Variants in RABGAP1L observed in about 807,000 individuals in gnomAD.
RABGAP1L encodes RAB GTPase activating protein 1 like.
In RABGAP1L, 63 loss-of-function variants were observed where a neutral mutation model predicts 137.7. The ratio of observed to expected loss-of-function variants is 0.46; its 90% CI spans 0.37 to 0.56. RABGAP1L has a LOEUF of 0.56. RABGAP1L is among the 20% of genes least tolerant of loss of function. The probability of loss-of-function intolerance (pLI) is 0.00; values close to 1 mark genes in which losing one functional copy is unlikely to be tolerated. For missense variants in RABGAP1L, 1,095 were observed against 1,244.0 expected (o/e 0.88, Z 1.80); for synonymous variants, 431 against 433.7 (o/e 0.99, Z 0.08).
chr1:174,970,203 G>A (rs1186049571), intron 21 of RABGAP1L, among the ~76,000 whole-genome samples: 1 of 152,164 alleles, frequency 6.6e-6, no homozygotes, highest in African/African-American at 2.4e-5. Flanking sequence ...GACTAGGAGA[G>A]TCAGAACCAA....
chr1:174,646,222 C>T (rs928769154), intron 14 of RABGAP1L, among the ~76,000 whole-genome samples: 3 of 152,064 alleles, frequency 2.0e-5, no homozygotes, highest in Non-Finnish European at 4.4e-5. Context: ...TTAATTAGAT[C>T]CCATTCATCA....
At chr1:174,486,285 A>G (rs1377554600) in intron 13 of RABGAP1L, among the ~76,000 whole-genome samples, 1 of 144,592 alleles carries the variant, frequency 6.9e-6, no homozygotes, top group Non-Finnish European at 1.5e-5. Flanking sequence ...TAAAAAAACA[A>G]TTTTTTGTTT....
At chr1:174,369,839 C>CCTTAATTATAAGTATTTA (rs1684956729) in intron 11 of RABGAP1L, among the ~76,000 whole-genome samples, 2 of 151,950 alleles carry the variant, frequency 1.3e-5, no homozygotes, top group South Asian at 4.1e-4. Context: ...ATTAAATGTC[C>CCTTAATTATAAGTATTTA]CTTATAATTC....
At chr1:174,360,879 A>G (rs1684076959) in intron 11 of RABGAP1L, among the ~76,000 whole-genome samples, 1 of 152,256 alleles carries the variant, frequency 6.6e-6, no homozygotes, top group Non-Finnish European at 1.5e-5. Flanking sequence ...TGTTTTGGCC[A>G]GATGTGGTGG....
rs374761996 is a variant in RABGAP1L at position 174,376,917 on chromosome 1, A to T, written c.1559+5845A>T. Among the ~76,000 whole-genome samples, 57 of 152,306 alleles carry T rather than the reference A, an allele frequency of 3.7e-4. No individual in the cohort carries two copies. In the Middle Eastern group the frequency reaches 0.01, roughly 27 times the overall value. On this transcript the variant is annotated intron_variant, in intron 12 of 25. Transcript: ENST00000681986. ...GAAAGAAAAATATAACACTGTCTCT[A>T]TTTGCAGAGATGTGATTGTCTGTGT... is the stretch of plus-strand genomic sequence containing the variant.
At position 174,275,871 on chromosome 1, in the gene RABGAP1L, C is replaced by T; in HGVS notation, c.1092C>T (p.Val364=). 1 of 1,612,880 alleles carries T rather than the reference C, an allele frequency of 6.2e-7. No individual in the cohort carries two copies. The highest frequency in any genetic ancestry group is 8.5e-7 in the Non-Finnish European group (1 of 1,179,300). ...MGKSYDGRAY[V]ITGMWNPNAP... ...AGAGCTATGATGGGAGAGCTTATGTCATCACTGGCATGTGGAACCCCAATG... is the reference window on the plus strand; with the variant it reads ...AGAGCTATGATGGGAGAGCTTATGTTATCACTGGCATGTGGAACCCCAATG... The change falls in exon 9 of 26, where the codon GTC becomes GTT. Residue 364 remains valine, a synonymous_variant. Coordinates refer to ENST00000681986, the MANE Select transcript of RABGAP1L (RefSeq NM_001366446.1).
chr1:174,598,115 G>A (rs561386377), intron 13 of RABGAP1L, among the ~76,000 whole-genome samples: 2 of 152,092 alleles, frequency 1.3e-5, no homozygotes, highest in Admixed American at 6.6e-5. Flanking sequence ...CAGATCACGA[G>A]GTCAGGAGAT....
intron 14 of RABGAP1L, among the ~76,000 whole-genome samples, chr1:174,673,616 G>T (rs557768615): frequency 6.6e-6 from 1 of 152,052 alleles, no homozygotes; most frequent in African/African-American, 2.4e-5. Context: ...TAAAAAATAA[G>T]GTCACAATTT....
intron 13 of RABGAP1L, among the ~76,000 whole-genome samples, chr1:174,466,059 G>A (rs1021786967): frequency 1.3e-5 from 2 of 152,276 alleles, no homozygotes; most frequent in Middle Eastern, 3.4e-3. Context: ...GCTTCCCTTA[G>A]TGCAGCTCCA....
chr1:174,904,261 C>T (rs1012214476), intron 19 of RABGAP1L, among the ~76,000 whole-genome samples: 1 of 152,046 alleles, frequency 6.6e-6, no homozygotes, highest in Non-Finnish European at 1.5e-5. Context: ...AATCCCTGTA[C>T]TTTGGTGGCT....
At chr1:174,616,250 A>G (rs926096277) in intron 13 of RABGAP1L, among the ~76,000 whole-genome samples, 3 of 152,194 alleles carry the variant, frequency 2.0e-5, no homozygotes, top group Admixed American at 6.6e-5. Context: ...GTTTGCTGTG[A>G]AATTTTGGTT....
At chr1:174,847,359 C>T (rs1694181014) in intron 19 of RABGAP1L, among the ~76,000 whole-genome samples, 3 of 151,752 alleles carry the variant, frequency 2.0e-5, no homozygotes, top group Non-Finnish European at 4.4e-5. Flanking sequence ...TTTGCAGCGG[C>T]TGGTACCGGT....
intron 14 of RABGAP1L, among the ~76,000 whole-genome samples, chr1:174,677,560 C>T (rs1677732471): frequency 6.6e-6 from 1 of 152,184 alleles, no homozygotes; most frequent in African/African-American, 2.4e-5. Context: ...CACAGTGGTC[C>T]TAGTTTCGAA....
At chr1:174,805,158 G>C (rs1253861543) in intron 18 of RABGAP1L, among the ~76,000 whole-genome samples, 1 of 152,064 alleles carries the variant, frequency 6.6e-6, no homozygotes, top group Non-Finnish European at 1.5e-5. Flanking sequence ...TAAATTCATG[G>C]AACAAATTTA....
intron 1 of RABGAP1L, among the ~76,000 whole-genome samples, chr1:174,207,658 A>C (rs528421235): frequency 6.6e-6 from 1 of 152,290 alleles, no homozygotes; most frequent in Admixed American, 6.5e-5. Context: ...ATTGAGGCAT[A>C]GTGTGTGTAG....
intron 19 of RABGAP1L, among the ~76,000 whole-genome samples, chr1:174,956,529 A>G (rs1668543870): frequency 6.6e-6 from 1 of 152,108 alleles, no homozygotes; most frequent in East Asian, 1.9e-4. Flanking sequence ...GGTTGTTTAG[A>G]TGACTTTCTA....
At chr1:174,849,796 T>G in intron 19 of RABGAP1L, 1 of 540,730 alleles carries the variant, frequency 1.8e-6, no homozygotes, top group Non-Finnish European at 3.7e-6. Flanking sequence ...AGTTTATGAT[T>G]ATTGAGAAGT....
chr1:174,692,583 T>A lies in RABGAP1L; in HGVS notation c.1900-6942T>A, dbSNP rs540991196. ...GATACACAAGAAATGCTGTCACTTA[T>A]ATGAAAAGCAGCATATTTTTGCTGC... On this transcript the variant is annotated intron_variant, in intron 15 of 25. Coordinates refer to ENST00000681986, the MANE Select transcript of RABGAP1L (RefSeq NM_001366446.1). Among the ~76,000 whole-genome samples the A allele has an allele frequency of 5.9e-5, 9 of 152,332 alleles. No individual in the cohort carries two copies. The South Asian group carries it at 1.0e-3, about 18-fold the overall frequency.
intron 11 of RABGAP1L, among the ~76,000 whole-genome samples, chr1:174,340,126 T>C (rs564909064): frequency 3.2e-4 from 48 of 152,354 alleles, no homozygotes; most frequent in African/African-American, 1.0e-3. Flanking sequence ...CTTAGTACTT[T>C]GTAGATATAC....
Sources: gnomAD v4.1 joint callset for allele counts (sites outside exome capture counted in the v4.1 genomes callset) on GRCh38, gnomAD v4.1.1 for gene constraint, MANE v1.5 for transcripts, NCBI Gene and HGNC (gene_info 2026-07-23, HGNC 2026-07-21) for gene names.